Variants in AKAP9 observed in about 807,000 individuals in gnomAD.
AKAP9 encodes A-kinase anchor protein 9.
AKAP9 carries 311 observed loss-of-function variants against 488.5 expected under a neutral mutation model. The observed-to-expected ratio is 0.64, with a 90% CI of 0.58 to 0.70. The LOEUF (loss-of-function observed/expected upper bound fraction) is 0.70. Ranked by LOEUF, AKAP9 falls within the 30% of genes least tolerant of loss-of-function variation. AKAP9 has a pLI of 0.00. For synonymous variants in AKAP9, 1,462 were observed against 1,483.5 expected, an observed-to-expected ratio of 0.99 and a Z score of 0.33; for missense variants, 4,215 against 4,374.5, an observed-to-expected ratio of 0.96 and a Z score of 1.03.
At chr7:92,035,779 T>G (rs1034192284) in intron 16 of AKAP9, among the ~76,000 whole-genome samples, 3 of 152,176 alleles carry the variant, frequency 2.0e-5, no homozygotes, top group Non-Finnish European at 4.4e-5. Context: ...TGCTCAGAGT[T>G]TTTAGGTAAT....
rs1334106255 is a variant in AKAP9, at chr7:92,026,678, G to A, written c.4149-3217G>A. 3.9e-5 allele frequency among the ~76,000 whole-genome samples: 6 copies of A among 152,306 alleles called. No homozygotes were observed. The East Asian group carries it at 7.7e-4, about 20-fold the overall frequency. ...GGAGTGCGTGGCGTGATCTCAGCTC[G>A]CTACAACCTCCACCTCCCAGCCGCC... is the stretch of plus-strand genomic sequence containing the variant. On this transcript the variant is annotated intron_variant, in intron 14 of 49. Transcript: ENST00000356239.
At chr7:91,965,645 T>A (rs930003228) in intron 1 of AKAP9, among the ~76,000 whole-genome samples, 1 of 152,212 alleles carries the variant, frequency 6.6e-6, no homozygotes, top group African/African-American at 2.4e-5. Context: ...TACATTTCTG[T>A]TAACAGTATA....
rs34101758 is a variant in AKAP9, at chr7:92,102,721, G to A, written c.11225G>A (p.Arg3742Gln). Residue 3742 changes from arginine (R) to glutamine (Q), a missense_variant, in exon 46 of 50, where the codon CGG becomes CAG. Transcript: ENST00000356239. Reference protein sequence around the residue: ...CEDATLALLARMGGQPAFTDL... With the variant: ...CEDATLALLAQMGGQPAFTDL... Reference sequence around the variant, plus strand: ...GATGCCACCTTGGCCCTGCTTGCCCGGATGGGGGGGCAGCCAGCTTTCACG... The same window carrying A: ...GATGCCACCTTGGCCCTGCTTGCCCAGATGGGGGGGCAGCCAGCTTTCACG... 17 of 1,614,076 alleles carry A rather than the reference G, an allele frequency of 1.1e-5. No homozygotes were observed. Among genetic ancestry groups the A allele is most frequent in the African/African-American group, 5.3e-5 (4 of 74,940 alleles).
chr7:92,031,057 T>C (rs1273200151), intron 15 of AKAP9, among the ~76,000 whole-genome samples: 3 of 152,204 alleles, frequency 2.0e-5, no homozygotes, highest in Non-Finnish European at 4.4e-5. Flanking sequence ...TTTAAAAGTT[T>C]ATGGTTTTTT....
chr7:92,018,118 G>A (rs140500967), intron 12 of AKAP9, among the ~76,000 whole-genome samples: 15 of 152,236 alleles, frequency 9.9e-5, no homozygotes, highest in East Asian at 1.9e-4. Flanking sequence ...AAGGAGCGGC[G>A]GCTGCCCAGC....
At chr7:92,013,284 C>T (rs1383796000) in intron 9 of AKAP9, among the ~76,000 whole-genome samples, 1 of 151,994 alleles carries the variant, frequency 6.6e-6, no homozygotes, top group Non-Finnish European at 1.5e-5. Flanking sequence ...AGCCACCGCG[C>T]CCGGCCGGGG....
At chr7:92,085,006 C>T in intron 35 of AKAP9, 66 bp downstream of exon 35, 1 of 1,562,054 alleles carries the variant, frequency 6.4e-7, no homozygotes, top group Non-Finnish European at 8.8e-7. Context: ...CATAGCAGTT[C>T]ATTAGAAGTT....
chr7:91,994,197 G>A (rs1300620570), intron 5 of AKAP9, among the ~76,000 whole-genome samples: 1 of 152,192 alleles, frequency 6.6e-6, no homozygotes, highest in Non-Finnish European at 1.5e-5. Flanking sequence ...ACTAACATCT[G>A]TGGTTAGACT....
intron 10 of AKAP9, among the ~76,000 whole-genome samples, chr7:92,015,155 G>T (rs1453808474): frequency 1.3e-5 from 2 of 152,136 alleles, no homozygotes; most frequent in Non-Finnish European, 2.9e-5. Flanking sequence ...TGATTTTTAA[G>T]TCTAGAAGTT....
At position 92,041,923 on chromosome 7, in the gene AKAP9, A is replaced by T. The variant is rs1381691800; in HGVS notation, c.4918-123A>T. Reference sequence around the variant, plus strand: ...ATATACTTTTAACCCCTTACGATGGAATATGAATCATAAGTAGAACCAGGG... The same window carrying T: ...ATATACTTTTAACCCCTTACGATGGTATATGAATCATAAGTAGAACCAGGG... On this transcript the variant is annotated intron_variant, in intron 18 of 49. Coordinates refer to ENST00000356239, the MANE Select transcript of AKAP9 (RefSeq NM_005751.5). The T allele has an allele frequency of 8.8e-6, 9 of 1,026,622 alleles. No homozygotes were observed. The Admixed American group carries it at 1.4e-4, about 16-fold the overall frequency. The allele number at this position is 1,026,622 out of a possible 1,614,324, so 63.6% of individuals were successfully genotyped here. A position where few individuals can be genotyped will look rare whatever the true frequency, so the allele number is the denominator to read the frequency against.
rs1338242835 is a variant in AKAP9, at chr7:92,097,567, T to C, written c.10399-19T>C. On this transcript the variant is annotated intron_variant, in intron 41 of 49. Transcript: ENST00000356239. ...TTCACTTATAATTATTGTTTTCTTATTCTGTCCAAAATTGCCAGCCAACCA... is the reference window on the plus strand; with the variant it reads ...TTCACTTATAATTATTGTTTTCTTACTCTGTCCAAAATTGCCAGCCAACCA... 6.2e-7 allele frequency: 1 copy of C among 1,610,706 alleles called. No individual in the cohort carries two copies. The highest frequency in any genetic ancestry group is 8.5e-7 in the Non-Finnish European group (1 of 1,178,214).
At chr7:91,942,611 A>G (rs138590988) in intron 1 of AKAP9, among the ~76,000 whole-genome samples, 99 of 152,244 alleles carry the variant, frequency 6.5e-4, no homozygotes, top group Non-Finnish European at 1.3e-3. Flanking sequence ...CACAATTTTT[A>G]TTGCCTGCCC....
intron 12 of AKAP9, among the ~76,000 whole-genome samples, chr7:92,019,955 A>C (rs1042511430): frequency 1.3e-5 from 2 of 152,088 alleles, no homozygotes; most frequent in Non-Finnish European, 2.9e-5. Flanking sequence ...TGGAGGTTGC[A>C]GTGAGCCAAG....
chr7:92,046,945 C>G (rs1201509614), intron 21 of AKAP9, among the ~76,000 whole-genome samples: 1 of 152,128 alleles, frequency 6.6e-6, no homozygotes, highest in African/African-American at 2.4e-5. Flanking sequence ...GTTAGCAGTT[C>G]TCTTAGATAC....
intron 1 of AKAP9, among the ~76,000 whole-genome samples, chr7:91,961,761 G>A (rs1444803924): frequency 3.3e-5 from 5 of 151,858 alleles, no homozygotes; most frequent in Middle Eastern, 6.8e-3. Context: ...GGAGAATGGC[G>A]TGAACTGGGG....
At chr7:92,006,656 G>A (rs924697359) in intron 8 of AKAP9, among the ~76,000 whole-genome samples, 8 of 152,150 alleles carry the variant, frequency 5.3e-5, no homozygotes, top group African/African-American at 1.9e-4. Context: ...CCTAAGAGCA[G>A]CCTAAATATG....
intron 1 of AKAP9, among the ~76,000 whole-genome samples, chr7:91,944,901 CT>C (rs747239336): frequency 4.1e-4 from 63 of 152,326 alleles, no homozygotes; most frequent in Admixed American, 1.0e-3. Context: ...GATTTCCTTT[CT>C]GTTTTTGTTG....
intron 22 of AKAP9, among the ~76,000 whole-genome samples, chr7:92,060,499 A>G (rs76967167): frequency 9.2e-5 from 14 of 152,276 alleles, no homozygotes; most frequent in South Asian, 6.2e-4. Flanking sequence ...CTTTTCTGCA[A>G]TTTCACACAG....
chr7:92,076,146 A>G (rs1375374685), intron 28 of AKAP9, among the ~76,000 whole-genome samples: 12 of 152,208 alleles, frequency 7.9e-5, no homozygotes. Context: ...TTTCAAATAT[A>G]AAAATAATTC....
Sources: allele counts gnomAD v4.1 joint callset (sites outside exome capture counted in the v4.1 genomes callset), GRCh38; gene constraint gnomAD v4.1.1; transcripts MANE v1.5; gene names NCBI Gene and HGNC (gene_info 2026-07-23, HGNC 2026-07-21).